The following AFG2B variants were observed in gnomAD, a reference collection of about 807,000 sequenced individuals.
AFG2B encodes the protein ATPase family gene 2 protein homolog B.
the AFG2B span, among the ~76,000 whole-genome samples, chr15:45,411,775 G>A: frequency 0.13 from 19,594 of 152,114 alleles, 4,156 homozygotes; most frequent in African/African-American, 0.44. Context: ...GCAACAGAGC[G>A]AGATCCTGTG....
the AFG2B span, chr15:45,410,386 T>C: frequency 1.2e-6 from 2 of 1,613,614 alleles, no homozygotes; most frequent in Non-Finnish European, 1.7e-6. Context: ...AGGACAATCC[T>C]GTGATTGATG....
the AFG2B span, among the ~76,000 whole-genome samples, chr15:45,420,507 TTTTC>T: frequency 1.3e-5 from 2 of 152,190 alleles, no homozygotes; most frequent in Non-Finnish European, 2.9e-5. Context: ...GCAACTTGCC[TTTTC>T]TTTCTTCTCA....
the AFG2B span, chr15:45,410,568 C>T: frequency 6.4e-7 from 1 of 1,554,240 alleles, no homozygotes; most frequent in Non-Finnish European, 8.7e-7. Flanking sequence ...TAGGATATTA[C>T]AGATTAACAT....
At chr15:45,415,873 T>C in the AFG2B span, 14 of 1,157,860 alleles carry the variant, frequency 1.2e-5, no homozygotes, top group Non-Finnish European at 1.7e-5. Flanking sequence ...ATATATGCTA[T>C]AGCTTTACCT....
chr15:45,417,462 G>C, the AFG2B span: 1 of 1,567,976 alleles, frequency 6.4e-7, no homozygotes, highest in Non-Finnish European at 8.7e-7. Context: ...TTGGATATAG[G>C]TGTCCATGGT....
the AFG2B span, chr15:45,418,475 C>A: frequency 4.3e-6 from 6 of 1,402,218 alleles, no homozygotes; most frequent in South Asian, 1.5e-5. Flanking sequence ...AAAGGAAACT[C>A]AAGCTAAAAA....
chr15:45,418,057 G>C, the AFG2B span, among the ~76,000 whole-genome samples: 1 of 152,114 alleles, frequency 6.6e-6, no homozygotes, highest in African/African-American at 2.4e-5. Context: ...CCAAGAGAGA[G>C]ATTTAGCCGG....
the AFG2B span, chr15:45,403,231 C>G: frequency 6.6e-7 from 1 of 1,526,180 alleles, no homozygotes; most frequent in Non-Finnish European, 8.7e-7. Flanking sequence ...AGTCAGCGCC[C>G]CGGCGCTGCA....
At chr15:45,419,847 C>CT in the AFG2B span, among the ~76,000 whole-genome samples, 2 of 151,798 alleles carry the variant, frequency 1.3e-5, no homozygotes, top group Admixed American at 1.3e-4. Flanking sequence ...GAGACCCTGT[C>CT]TCTACAAAAA....
chr15:45,403,035 G>T, the AFG2B span: 1 of 1,573,346 alleles, frequency 6.4e-7, no homozygotes. Flanking sequence ...AGGTGCCCCT[G>T]GGAGGTCTTT....
At chr15:45,420,921 G>C in the AFG2B span, 1 of 924,920 alleles carries the variant, frequency 1.1e-6, no homozygotes, top group Non-Finnish European at 1.6e-6. Flanking sequence ...GAAACCAGAA[G>C]ACGGAGGTTG....
At chr15:45,417,494 G>A in the AFG2B span, 44,440 of 1,341,052 alleles carry the variant, frequency 0.033, 10,170 homozygotes, top group African/African-American at 0.53. Context: ...CCTGGGTTCC[G>A]CCTTCTTCCT....
the AFG2B span, among the ~76,000 whole-genome samples, chr15:45,412,710 T>C: frequency 1.3e-5 from 2 of 152,208 alleles, no homozygotes; most frequent in Non-Finnish European, 2.9e-5. Flanking sequence ...TTAGTTTGCC[T>C]GGATCTCTGA....
chr15:45,415,509 A>C, the AFG2B span: 7 of 1,328,828 alleles, frequency 5.3e-6, no homozygotes, highest in South Asian at 5.8e-5. Flanking sequence ...AAAAAAAAAA[A>C]AAACAGGATT....
At chr15:45,403,276 C>A in the AFG2B span, 1 of 1,588,874 alleles carries the variant, frequency 6.3e-7, no homozygotes, top group Non-Finnish European at 8.5e-7. Flanking sequence ...GGAGAACGTG[C>A]GGCGGGTCTT....
At chr15:45,416,259 C>CTGAA in the AFG2B span, among the ~76,000 whole-genome samples, 43 of 152,224 alleles carry the variant, frequency 2.8e-4, no homozygotes, top group Admixed American at 5.9e-4. Context: ...GGCCCCATAT[C>CTGAA]TGAATGAATG....
the AFG2B span, among the ~76,000 whole-genome samples, chr15:45,412,143 C>T: frequency 2.0e-5 from 3 of 152,052 alleles, no homozygotes; most frequent in African/African-American, 7.2e-5. Flanking sequence ...TGGCTCACAC[C>T]AGTAATCCCA....
At chr15:45,407,072 C>G in the AFG2B span, 1 of 1,289,204 alleles carries the variant, frequency 7.8e-7, no homozygotes, top group South Asian at 1.2e-5. Context: ...GTGGACCAGT[C>G]AGCTGCTGTC....
chr15:45,417,032 G>A, the AFG2B span: 1 of 380,242 alleles, frequency 2.6e-6, no homozygotes, highest in South Asian at 3.6e-5. Context: ...GTTCTCATAT[G>A]GAGAATGTTT....
Sources: allele counts gnomAD v4.1 joint callset (sites outside exome capture counted in the v4.1 genomes callset), GRCh38; gene constraint gnomAD v4.1.1; transcripts MANE v1.5; gene names NCBI Gene and HGNC (gene_info 2026-07-23, HGNC 2026-07-21).